The following ELMO1 variants were observed in gnomAD, a reference collection of about 807,000 sequenced individuals.
ELMO1 encodes the protein engulfment and cell motility 1.
ELMO1 carries 26 observed loss-of-function variants against 98.9 expected under a neutral mutation model. The observed-to-expected ratio is 0.26, with a 90% CI of 0.19 to 0.36. The LOEUF is 0.36. Among genes scored for constraint, ELMO1 ranks in the 10% least tolerant of loss-of-function variants. ELMO1 has a pLI of 1.00. For synonymous variants in ELMO1, 346 were observed against 346.0 expected (o/e 1.00, Z 0.00); for missense variants, 627 against 935.2 (o/e 0.67, Z 4.30).
intron 16 of ELMO1, among the ~76,000 whole-genome samples, chr7:36,950,960 A>G (rs1214092263): frequency 6.6e-6 from 1 of 152,224 alleles, no homozygotes; most frequent in African/African-American, 2.4e-5. Context: ...CTGAAGCCAG[A>G]CACCAGGAAG....
chr7:37,424,863 A>G (rs1804636721), intron 1 of ELMO1, among the ~76,000 whole-genome samples: 1 of 151,016 alleles, frequency 6.6e-6, no homozygotes, highest in South Asian at 2.1e-4. Flanking sequence ...TAATTATTAT[A>G]TATTTTTAAT....
intron 13 of ELMO1, among the ~76,000 whole-genome samples, chr7:37,162,701 G>T (rs1789308794): frequency 6.6e-6 from 1 of 152,170 alleles, no homozygotes; most frequent in Admixed American, 6.5e-5. Flanking sequence ...ACTCAATAAT[G>T]AAGAAACCGG....
intron 16 of ELMO1, among the ~76,000 whole-genome samples, chr7:36,929,532 C>T (rs376147580): frequency 6.6e-6 from 1 of 152,138 alleles, no homozygotes; most frequent in Non-Finnish European, 1.5e-5. Flanking sequence ...GGCAACATGC[C>T]ACCCTCCAAA....
chr7:36,877,521 T>TC (rs1226715927), intron 19 of ELMO1, among the ~76,000 whole-genome samples: 1 of 152,190 alleles, frequency 6.6e-6, no homozygotes, highest in Non-Finnish European at 1.5e-5. Flanking sequence ...AGGTAACGGA[T>TC]CATCATTTTC....
chr7:37,278,204 T>A (rs1796955388), intron 4 of ELMO1, among the ~76,000 whole-genome samples: 1 of 151,022 alleles, frequency 6.6e-6, no homozygotes, highest in South Asian at 2.1e-4. Context: ...AGGCTACAGT[T>A]TCCAGTTATG....
intron 16 of ELMO1, among the ~76,000 whole-genome samples, chr7:36,921,176 A>G (rs1268974360): frequency 6.6e-6 from 1 of 152,154 alleles, no homozygotes; most frequent in African/African-American, 2.4e-5. Context: ...GTGAGCAACA[A>G]ATTTTTGTTA....
At chr7:37,241,524 T>A (rs529195179) in intron 7 of ELMO1, among the ~76,000 whole-genome samples, 1 of 152,142 alleles carries the variant, frequency 6.6e-6, no homozygotes, top group Non-Finnish European at 1.5e-5. Flanking sequence ...TATGATTAGA[T>A]TGAAGTCAAC....
At chr7:37,179,941 A>G (rs1368274659) in intron 13 of ELMO1, among the ~76,000 whole-genome samples, 1 of 152,242 alleles carries the variant, frequency 6.6e-6, no homozygotes, top group African/African-American at 2.4e-5. Context: ...TCACCATGCC[A>G]TAGAAGACTG....
chr7:37,124,724 A>G (rs554308979), intron 14 of ELMO1, among the ~76,000 whole-genome samples: 45 of 152,332 alleles, frequency 3.0e-4, no homozygotes, highest in Non-Finnish European at 3.4e-4. Flanking sequence ...GGTAATTTAT[A>G]GATTCAATGC....
chr7:36,925,026 A>C (rs1785432935), intron 16 of ELMO1, among the ~76,000 whole-genome samples: 2 of 152,168 alleles, frequency 1.3e-5, no homozygotes, highest in Admixed American at 6.5e-5. Flanking sequence ...ACTGGCATCT[A>C]GTGCGCAGAG....
chr7:37,345,861 T>C (rs866613414), intron 1 of ELMO1, among the ~76,000 whole-genome samples: 158 of 149,964 alleles, frequency 1.1e-3, no homozygotes, highest in African/African-American at 3.5e-3. Context: ...TGGTGGTGGG[T>C]GCCTGTAGTC....
At chr7:36,895,137 A>C (rs1805888239) in intron 16 of ELMO1, 120 bp from the exon 17 acceptor site, 1 of 1,139,084 alleles carries the variant, frequency 8.8e-7, no homozygotes, top group Non-Finnish European at 1.2e-6. Flanking sequence ...CTCAGCATTA[A>C]CCTTGAGCAT....
At chr7:37,223,204 T>C (rs1432257648) in intron 9 of ELMO1, among the ~76,000 whole-genome samples, 1 of 152,244 alleles carries the variant, frequency 6.6e-6, no homozygotes, top group Non-Finnish European at 1.5e-5. Flanking sequence ...TGTTTGTTTA[T>C]AAATCTGATT....
At chr7:37,023,253 T>C (rs528119667) in intron 15 of ELMO1, among the ~76,000 whole-genome samples, 2 of 152,368 alleles carry the variant, frequency 1.3e-5, no homozygotes, top group Admixed American at 6.5e-5. Context: ...AACACCTCTA[T>C]GTAAGTTACA....
At chr7:37,314,154 G>A (rs371180187) in intron 4 of ELMO1, among the ~76,000 whole-genome samples, 4 of 152,142 alleles carry the variant, frequency 2.6e-5, no homozygotes, top group African/African-American at 7.2e-5. Context: ...ACTCAGTGTC[G>A]TACCTGTTAA....
chr7:36,878,145 G>T, intron 18 of ELMO1, 28 bp from the exon 19 acceptor site: 1 of 1,552,748 alleles, frequency 6.4e-7, no homozygotes, highest in Non-Finnish European at 8.9e-7. Context: ...AGTTTACAAG[G>T]TAAGTGATTG....
At chr7:36,917,509 CA>C (rs1468654250) in intron 16 of ELMO1, among the ~76,000 whole-genome samples, 1 of 151,852 alleles carries the variant, frequency 6.6e-6, no homozygotes, top group Non-Finnish European at 1.5e-5. Context: ...AGGAAAAATC[CA>C]AATGGGTAAA....
Position 37,119,912 on chromosome 7 carries a change from A to G in ELMO1, c.1191+13218T>C, listed in dbSNP as rs550336878. On this transcript the variant is annotated intron_variant, in intron 14 of 21. Coordinates refer to ENST00000310758, the MANE Select transcript of ELMO1 (RefSeq NM_014800.11). ...CATAAATTATGAGGGACGCTGAAGCAAGGTTCTGTCTCCAGATTGTATACA... is the reference window on the plus strand; with the variant it reads ...CATAAATTATGAGGGACGCTGAAGCGAGGTTCTGTCTCCAGATTGTATACA... 2.0e-5 allele frequency among the ~76,000 whole-genome samples: 3 copies of G among 152,376 alleles called. No homozygotes were observed. The South Asian group carries it at 6.2e-4, about 32-fold the overall frequency.
intron 4 of ELMO1, among the ~76,000 whole-genome samples, chr7:37,280,914 C>G (rs909345378): frequency 2.0e-5 from 3 of 151,408 alleles, no homozygotes; most frequent in African/African-American, 7.3e-5. Flanking sequence ...ACGTTTATAG[C>G]AGCACAATTC....
Sources: allele counts gnomAD v4.1 joint callset (sites outside exome capture counted in the v4.1 genomes callset), GRCh38; gene constraint gnomAD v4.1.1; transcripts MANE v1.5; gene names NCBI Gene and HGNC (gene_info 2026-07-23, HGNC 2026-07-21).